Variants in CDK14 observed in about 807,000 individuals in gnomAD.
CDK14 encodes the protein cyclin-dependent kinase 14.
A neutral mutation model predicts 60.7 loss-of-function variants in CDK14; 34 were observed. The observed-to-expected ratio is 0.56, with a 90% CI of 0.43 to 0.75. CDK14 has a LOEUF of 0.75. Ranked by LOEUF, CDK14 falls within the 30% of genes least tolerant of loss-of-function variation. The pLI is 0.00. For missense variants in CDK14, 482 were observed against 564.1 expected (o/e 0.85, Z 1.47); for synonymous variants, 197 against 203.7 (o/e 0.97, Z 0.28).
intron 5 of CDK14, among the ~76,000 whole-genome samples, chr7:90,856,006 G>A (rs950320113): frequency 7.2e-5 from 11 of 152,190 alleles, no homozygotes; most frequent in African/African-American, 2.4e-4. Flanking sequence ...AGCAAGAGAA[G>A]TGTGTAGTGG....
chr7:91,140,714 T>C (rs1800430142), intron 14 of CDK14, among the ~76,000 whole-genome samples: 1 of 152,156 alleles, frequency 6.6e-6, no homozygotes. Flanking sequence ...GTAGGAATGG[T>C]TCCTTTCTTG....
chr7:91,036,144 C>T (rs1390845206), intron 10 of CDK14, among the ~76,000 whole-genome samples: 1 of 152,116 alleles, frequency 6.6e-6, no homozygotes, highest in African/African-American at 2.4e-5. Flanking sequence ...CGCCCAGCTG[C>T]TTCATGGTCT....
At chr7:91,175,489 C>T (rs1016801220) in intron 14 of CDK14, among the ~76,000 whole-genome samples, 24 of 152,074 alleles carry the variant, frequency 1.6e-4, no homozygotes, top group Non-Finnish European at 1.6e-4. Context: ...GGACTAAATG[C>T]TCCAATTGAA....
intron 14 of CDK14, among the ~76,000 whole-genome samples, chr7:91,158,089 T>TTATACA (rs1801040308): frequency 7.3e-6 from 1 of 136,624 alleles, no homozygotes; most frequent in Non-Finnish European, 1.7e-5. Flanking sequence ...ATTATATACA[T>TTATACA]TAAATATATA....
intron 10 of CDK14, among the ~76,000 whole-genome samples, chr7:90,999,019 C>A (rs1343463279): frequency 1.3e-5 from 2 of 152,124 alleles, no homozygotes; most frequent in Non-Finnish European, 2.9e-5. Flanking sequence ...CATCAGATGG[C>A]TAGAGGGCAA....
chr7:91,032,448 G>A (rs1259703201), intron 10 of CDK14, among the ~76,000 whole-genome samples: 1 of 152,166 alleles, frequency 6.6e-6, no homozygotes, highest in Non-Finnish European at 1.5e-5. Flanking sequence ...GGTCTTTGCA[G>A]GTGGGATTAA....
intron 6 of CDK14, among the ~76,000 whole-genome samples, chr7:90,892,652 A>G (rs1377582524): frequency 3.5e-4 from 53 of 152,194 alleles, no homozygotes. Flanking sequence ...TCACCTCAAG[A>G]GGGTTATGAT....
rs144934826 is a variant in CDK14, at chr7:90,751,336, C to G, written c.464+3561C>G. ...CTAACAGCAGATTTCTCAGAAGAAACCTTACAAGCCAGGAGAGTTTGGGGG... is the reference window on the plus strand; with the variant it reads ...CTAACAGCAGATTTCTCAGAAGAAAGCTTACAAGCCAGGAGAGTTTGGGGG... On this transcript the variant is annotated intron_variant, in intron 4 of 14. Transcript: ENST00000380050. Among the ~76,000 whole-genome samples the G allele has an allele frequency of 1.5e-4, 23 of 152,096 alleles. No individual in the cohort carries two copies. In the East Asian group the frequency reaches 4.2e-3, roughly 28 times the overall value.
At chr7:90,868,350 T>C (rs1014169137) in intron 6 of CDK14, among the ~76,000 whole-genome samples, 15 of 151,438 alleles carry the variant, frequency 9.9e-5, no homozygotes, top group African/African-American at 2.9e-4. Flanking sequence ...AATGGAGTAA[T>C]GGATATATTT....
intron 4 of CDK14, among the ~76,000 whole-genome samples, chr7:90,771,699 G>A (rs1804789701): frequency 6.6e-6 from 1 of 152,164 alleles, no homozygotes; most frequent in Non-Finnish European, 1.5e-5. Context: ...GCTTGGCCTG[G>A]GACCAATCAG....
Position 90,878,078 on chromosome 7 carries a change from G to A in CDK14, c.639+14809G>A, listed in dbSNP as rs140900495. Among the ~76,000 whole-genome samples the A allele has an allele frequency of 2.6e-5, 4 of 151,054 alleles. No individual in the cohort carries two copies. The East Asian group carries it at 7.7e-4, about 29-fold the overall frequency. ...CATTGGACACATTGTGTGGCTGTGT[G>A]TGTGTGTGTGTGTGTGAGAGAGAGA... On this transcript the variant is annotated intron_variant, in intron 6 of 14. Transcript: ENST00000380050.
chr7:90,844,552 A>T (rs903919259), intron 5 of CDK14, among the ~76,000 whole-genome samples: 1 of 152,152 alleles, frequency 6.6e-6, no homozygotes, highest in Non-Finnish European at 1.5e-5. Flanking sequence ...GAATTTCTAG[A>T]TAGAAAATTA....
At chr7:90,699,228 A>G (rs10953021) in intron 2 of CDK14, among the ~76,000 whole-genome samples, 124,673 of 152,196 alleles carry the variant, frequency 0.82, 51,196 homozygotes, top group Non-Finnish European at 0.84. Context: ...AAAGTGCCAG[A>G]CTGATCTGAA....
chr7:90,754,103 G>GT (rs1803958998), intron 4 of CDK14, among the ~76,000 whole-genome samples: 1 of 152,102 alleles, frequency 6.6e-6, no homozygotes, highest in African/African-American at 2.4e-5. Flanking sequence ...TGCCAATGTT[G>GT]TTTTTCACAG....
At chr7:90,981,842 T>A (rs1211151370) in intron 9 of CDK14, among the ~76,000 whole-genome samples, 1 of 31,556 alleles carries the variant, frequency 3.2e-5, no homozygotes, top group African/African-American at 9.8e-5. Context: ...CACTGGATCA[T>A]CTGAACATCT....
At chr7:90,814,435 A>G (rs553264673) in intron 5 of CDK14, among the ~76,000 whole-genome samples, 1 of 152,270 alleles carries the variant, frequency 6.6e-6, no homozygotes, top group East Asian at 1.9e-4. Flanking sequence ...TTTAATCACA[A>G]AATACTTGTT....
intron 11 of CDK14, among the ~76,000 whole-genome samples, chr7:91,052,431 T>A (rs888842362): frequency 6.6e-6 from 1 of 152,218 alleles, no homozygotes; most frequent in Non-Finnish European, 1.5e-5. Flanking sequence ...TTAGACTATT[T>A]TAAAAAGCAG....
chr7:90,737,419 A>G (rs1429142978), intron 3 of CDK14, among the ~76,000 whole-genome samples: 1 of 152,184 alleles, frequency 6.6e-6, no homozygotes, highest in Non-Finnish European at 1.5e-5. Flanking sequence ...GGAGGGTGCA[A>G]ACCTGCAAAT....
intron 5 of CDK14, among the ~76,000 whole-genome samples, chr7:90,823,651 G>C (rs1789625180): frequency 1.3e-5 from 2 of 152,196 alleles, no homozygotes; most frequent in Admixed American, 6.6e-5. Context: ...CTAGTCTTCA[G>C]GCTGGGCATC....
Sources: allele counts gnomAD v4.1 joint callset (sites outside exome capture counted in the v4.1 genomes callset), GRCh38; gene constraint gnomAD v4.1.1; transcripts MANE v1.5; gene names NCBI Gene and HGNC (gene_info 2026-07-23, HGNC 2026-07-21).